Variants in ZNF521 observed in about 807,000 individuals in gnomAD.
ZNF521 encodes LYST-interacting protein 3.
Under a neutral mutation model 105.5 loss-of-function variants are expected in ZNF521, and 14 were observed. That is an observed-to-expected ratio of 0.13 (90% CI 0.09 to 0.21). The LOEUF is 0.21. Among genes scored for constraint, ZNF521 ranks in the 10% least tolerant of loss-of-function variants. ZNF521 has a pLI of 1.00. For missense variants in ZNF521, 1,233 were observed against 1,629.7 expected (o/e 0.76, Z 4.19); for synonymous variants, 635 against 606.0 (o/e 1.05, Z -0.70).
intron 5 of ZNF521, among the ~76,000 whole-genome samples, chr18:25,125,021 A>C (rs189914603): frequency 6.6e-6 from 1 of 152,150 alleles, no homozygotes; most frequent in Non-Finnish European, 1.5e-5. Flanking sequence ...AGTATATATA[A>C]AAGTGATTTC....
At chr18:25,204,587 A>G (rs757428142) in intron 4 of ZNF521, among the ~76,000 whole-genome samples, 2 of 152,196 alleles carry the variant, frequency 1.3e-5, no homozygotes, top group Non-Finnish European at 2.9e-5. Context: ...AAATTAATAA[A>G]GAACAACAAA....
chr18:25,119,510 T>G (rs2034392689), intron 5 of ZNF521, among the ~76,000 whole-genome samples: 1 of 151,934 alleles, frequency 6.6e-6, no homozygotes, highest in Admixed American at 6.6e-5. Context: ...TTAGTAACAA[T>G]TAGATATCTA....
intron 3 of ZNF521, among the ~76,000 whole-genome samples, chr18:25,285,007 T>C (rs1910613323): frequency 6.6e-6 from 1 of 151,884 alleles, no homozygotes; most frequent in African/African-American, 2.4e-5. Context: ...AGCTGCTTCC[T>C]TACCCTGACT....
chr18:25,323,988 A>G lies in ZNF521; in HGVS notation c.41-1801T>C, dbSNP rs73947307. On this transcript the variant is annotated intron_variant, in intron 2 of 7. Transcript: ENST00000361524. ...AGTTTTGTTTGTTGGGTTTTTTCAA[A>G]ATTAACACACTGTTTAAGTACATTG... Among the ~76,000 whole-genome samples the G allele has an allele frequency of 7.1e-4, 108 of 152,136 alleles. 1 individual carries two copies. The highest frequency in any genetic ancestry group is 2.3e-3 in the African/African-American group (94 of 41,528).
intron 7 of ZNF521, among the ~76,000 whole-genome samples, chr18:25,086,661 T>C (rs2033629722): frequency 2.6e-5 from 4 of 152,176 alleles, no homozygotes; most frequent in Admixed American, 2.6e-4. Flanking sequence ...TAAGGAATGA[T>C]TCACATATTA....
intron 3 of ZNF521, among the ~76,000 whole-genome samples, chr18:25,247,008 A>G (rs779230759): frequency 6.6e-6 from 1 of 152,196 alleles, no homozygotes; most frequent in Non-Finnish European, 1.5e-5. Context: ...GAACTAGTGA[A>G]TACATTTTCA....
chr18:25,241,988 T>C (rs1274941310), intron 3 of ZNF521, among the ~76,000 whole-genome samples: 2 of 152,214 alleles, frequency 1.3e-5, no homozygotes, highest in Admixed American at 6.5e-5. Context: ...CAATGTTTAA[T>C]GTACACTGCA....
At chr18:25,073,898 CAAA>C (rs202224210) in intron 7 of ZNF521, among the ~76,000 whole-genome samples, 2 of 116,758 alleles carry the variant, frequency 1.7e-5, no homozygotes, top group Non-Finnish European at 1.9e-5. Flanking sequence ...CACCGTAAGC[CAAA>C]AAAAAAAAAA....
intron 4 of ZNF521, among the ~76,000 whole-genome samples, chr18:25,214,532 A>G (rs2144696458): frequency 6.6e-6 from 1 of 152,282 alleles, no homozygotes; most frequent in East Asian, 1.9e-4. Flanking sequence ...TATATTTTCT[A>G]ACAACTATCC....
At chr18:25,168,740 G>C (rs1431395333) in intron 5 of ZNF521, among the ~76,000 whole-genome samples, 2 of 152,150 alleles carry the variant, frequency 1.3e-5, no homozygotes, top group Non-Finnish European at 1.5e-5. Flanking sequence ...AATTACCTGA[G>C]ATATCTTCCA....
At chr18:25,271,605 A>G (rs941882122) in intron 3 of ZNF521, among the ~76,000 whole-genome samples, 1 of 152,220 alleles carries the variant, frequency 6.6e-6, no homozygotes, top group Admixed American at 6.5e-5. Flanking sequence ...GGCCTCAGAA[A>G]TAACACCACA....
rs141544271 is a variant in ZNF521 at position 25,101,882 on chromosome 18, A to G, written c.3659-9801T>C. Reference sequence around the variant, plus strand: ...ATGATAAATGAATTTCTTTACAGCCAAGTGGCTCAAGCAGCCAACTACGTT... The same window carrying G: ...ATGATAAATGAATTTCTTTACAGCCGAGTGGCTCAAGCAGCCAACTACGTT... On this transcript the variant is annotated intron_variant, in intron 5 of 7. Coordinates refer to ENST00000361524, the MANE Select transcript of ZNF521 (RefSeq NM_015461.3). Among the ~76,000 whole-genome samples, 552 of 152,312 alleles carry G rather than the reference A, an allele frequency of 3.6e-3. 3 individuals are homozygous for G. The highest frequency in any genetic ancestry group is 3.1e-3 in the Non-Finnish European group (211 of 68,026).
chr18:25,234,522 C>CT (rs1017038281), intron 3 of ZNF521, among the ~76,000 whole-genome samples: 26 of 151,530 alleles, frequency 1.7e-4, no homozygotes, highest in Admixed American at 6.6e-4. Context: ...TTAGAAACTA[C>CT]TTTTTTTTTG....
chr18:25,062,607 T>C lies in ZNF521; in HGVS notation c.*105A>G. ...ATACAAGTTTTATGGTACAATACAA[T>C]GTTTCTGAATAATATACATTAACAA... On this transcript the variant is annotated 3_prime_UTR_variant, in exon 8 of 8. Coordinates refer to ENST00000361524, the MANE Select transcript of ZNF521 (RefSeq NM_015461.3). 1.4e-6 allele frequency: 2 copies of C among 1,409,238 alleles called. No homozygotes were observed. Among genetic ancestry groups the C allele is most frequent in the South Asian group, 2.5e-5 (2 of 80,494 alleles). 87.3% of individuals were successfully genotyped at this position (1,409,238 alleles called of 1,614,324 possible).
At chr18:25,307,240 T>C (rs1276969087) in intron 3 of ZNF521, among the ~76,000 whole-genome samples, 1 of 152,186 alleles carries the variant, frequency 6.6e-6, no homozygotes, top group African/African-American at 2.4e-5. Flanking sequence ...TTCTCCAATC[T>C]AACTCTGCAA....
At chr18:25,130,745 T>G (rs1480936718) in intron 5 of ZNF521, among the ~76,000 whole-genome samples, 1 of 152,030 alleles carries the variant, frequency 6.6e-6, no homozygotes, top group Non-Finnish European at 1.5e-5. Context: ...GAGTTGGAGA[T>G]AGGCCTGGGC....
intron 4 of ZNF521, among the ~76,000 whole-genome samples, chr18:25,216,884 G>GA (rs1440507236): frequency 3.3e-5 from 5 of 152,146 alleles, no homozygotes; most frequent in Non-Finnish European, 7.3e-5. Context: ...ATTTTTAAAA[G>GA]AAAATCCTAA....
rs1387762559 is a variant in ZNF521, at chr18:25,130,330, C to T, written c.3659-38249G>A. ...AAAAAAATATCAGTAGTTACTAGGG[C>T]TTCAGGGGAAGGAGCAGAGGGATGA... On this transcript the variant is annotated intron_variant, in intron 5 of 7. Transcript: ENST00000361524. Among the ~76,000 whole-genome samples the T allele has an allele frequency of 2.6e-5, 4 of 152,190 alleles. No individual in the cohort carries two copies. The East Asian group carries it at 5.8e-4, about 22-fold the overall frequency.
chr18:25,102,559 C>T (rs1344112829), intron 5 of ZNF521, among the ~76,000 whole-genome samples: 1 of 151,876 alleles, frequency 6.6e-6, no homozygotes, highest in African/African-American at 2.4e-5. Context: ...GGGGTCTTTG[C>T]TCTGTTGCCC....
Sources: gnomAD v4.1 joint callset for allele counts (sites outside exome capture counted in the v4.1 genomes callset) on GRCh38, gnomAD v4.1.1 for gene constraint, MANE v1.5 for transcripts, NCBI Gene and HGNC (gene_info 2026-07-23, HGNC 2026-07-21) for gene names.